Variants in SUGCT observed in about 807,000 individuals in gnomAD.
SUGCT encodes succinyl-CoA:glutarate CoA-transferase.
A neutral mutation model predicts 55.0 loss-of-function variants in SUGCT; 41 were observed. The observed-to-expected ratio is 0.74, with a 90% CI of 0.58 to 0.97. The LOEUF (loss-of-function observed/expected upper bound fraction) is 0.97. Among genes scored for constraint, SUGCT ranks in the 50% least tolerant of loss-of-function variants. The pLI, the probability that SUGCT is intolerant of heterozygous loss-of-function variation, is 0.00. For synonymous variants in SUGCT, 187 were observed against 200.4 expected (o/e 0.93, Z 0.56); for missense variants, 568 against 547.8 (o/e 1.04, Z -0.37).
Position 40,788,654 on chromosome 7 carries a change from G to A in SUGCT, c.1153+39157G>A, listed in dbSNP as rs116357683. ...GTGTGGGTTGGGGTCTGCATTCAAA[G>A]TCCAGACATTTCTCAAGTCTGTCTC... is the stretch of plus-strand genomic sequence containing the variant. On this transcript the variant is annotated intron_variant, in intron 13 of 13. Coordinates refer to ENST00000335693, the MANE Select transcript of SUGCT (RefSeq NM_001193313.2). 5.6e-3 allele frequency among the ~76,000 whole-genome samples: 856 copies of A among 152,308 alleles called. 7 individuals carry two copies. Among genetic ancestry groups the A allele is most frequent in the African/African-American group, 0.019 (807 of 41,566 alleles).
intron 12 of SUGCT, among the ~76,000 whole-genome samples, chr7:40,506,343 T>C (rs1430583448): frequency 6.6e-6 from 1 of 152,156 alleles, no homozygotes; most frequent in African/African-American, 2.4e-5. Flanking sequence ...TTCCATTGTG[T>C]TTGATAATAA....
At chr7:40,274,178 A>G (rs928100251) in intron 7 of SUGCT, among the ~76,000 whole-genome samples, 6 of 144,802 alleles carry the variant, frequency 4.1e-5, no homozygotes, top group African/African-American at 1.0e-4. Context: ...TTTAAATTCA[A>G]TTAATTTTTT....
At chr7:40,533,770 A>G (rs935231472) in intron 12 of SUGCT, among the ~76,000 whole-genome samples, 1 of 152,180 alleles carries the variant, frequency 6.6e-6, no homozygotes, top group African/African-American at 2.4e-5. Flanking sequence ...AACTTTTGTG[A>G]ACATTTCAGT....
intron 12 of SUGCT, among the ~76,000 whole-genome samples, chr7:40,523,189 T>A (rs1328089217): frequency 1.3e-5 from 2 of 152,198 alleles, no homozygotes; most frequent in South Asian, 4.1e-4. Flanking sequence ...TTTTATATGA[T>A]ATTATTGGAT....
At chr7:40,136,163 A>AT (rs909283188) in intron 1 of SUGCT, among the ~76,000 whole-genome samples, 10 of 150,830 alleles carry the variant, frequency 6.6e-5, no homozygotes, top group Admixed American at 1.3e-4. Context: ...TGCCCGGCTA[A>AT]TTTTTTTGTA....
chr7:40,705,876 A>AC (rs1227536576), intron 12 of SUGCT, among the ~76,000 whole-genome samples: 1 of 152,168 alleles, frequency 6.6e-6, no homozygotes, highest in Non-Finnish European at 1.5e-5. Flanking sequence ...CTGGTGTGGT[A>AC]CAAAGGGCAT....
At chr7:40,753,656 T>A (rs1331936685) in intron 13 of SUGCT, among the ~76,000 whole-genome samples, 1 of 152,190 alleles carries the variant, frequency 6.6e-6, no homozygotes, top group Non-Finnish European at 1.5e-5. Flanking sequence ...ACCAGAAACT[T>A]GTCTCTTAAA....
chr7:40,913,764 G>A, the SUGCT span, among the ~76,000 whole-genome samples: 1 of 152,118 alleles, frequency 6.6e-6, no homozygotes, highest in Non-Finnish European at 1.5e-5. Context: ...CTGGGGCCCA[G>A]GTTAAAGGGG....
chr7:40,612,235 G>A (rs951971436), intron 12 of SUGCT, among the ~76,000 whole-genome samples: 1 of 152,122 alleles, frequency 6.6e-6, no homozygotes. Context: ...ACGTTGTTGT[G>A]AGAATTAAAT....
chr7:40,184,028 A>G (rs1386871847), intron 3 of SUGCT, among the ~76,000 whole-genome samples: 1 of 152,108 alleles, frequency 6.6e-6, no homozygotes, highest in African/African-American at 2.4e-5. Context: ...TACAAAAATT[A>G]GTGGGGCATG....
chr7:40,216,745 A>C (rs1393925789), intron 6 of SUGCT, among the ~76,000 whole-genome samples: 1 of 151,656 alleles, frequency 6.6e-6, no homozygotes, highest in East Asian at 1.9e-4. Flanking sequence ...CCAGCTACTC[A>C]CTTTGGGGGC....
At chr7:40,577,435 T>G (rs1285877948) in intron 12 of SUGCT, among the ~76,000 whole-genome samples, 1 of 152,072 alleles carries the variant, frequency 6.6e-6, no homozygotes. Flanking sequence ...TTATGGCATG[T>G]TGGGGGCAGT....
chr7:40,939,035 A>G, the SUGCT span, among the ~76,000 whole-genome samples: 1 of 152,190 alleles, frequency 6.6e-6, no homozygotes, highest in Non-Finnish European at 1.5e-5. Context: ...GATACATACT[A>G]TATTAGTCCA....
At chr7:40,294,606 T>G (rs1388148258) in intron 8 of SUGCT, among the ~76,000 whole-genome samples, 4 of 152,022 alleles carry the variant, frequency 2.6e-5, no homozygotes, top group African/African-American at 9.7e-5. Flanking sequence ...TGCAGTGGCA[T>G]TGTGATCTCG....
chr7:40,920,027 T>C, the SUGCT span, among the ~76,000 whole-genome samples: 8 of 152,122 alleles, frequency 5.3e-5, no homozygotes, highest in Non-Finnish European at 1.0e-4. Context: ...CCTTTTCTTT[T>C]ATAACTCAGC....
At chr7:40,701,959 CAT>C (rs1785188755) in intron 12 of SUGCT, among the ~76,000 whole-genome samples, 1 of 152,210 alleles carries the variant, frequency 6.6e-6, no homozygotes, top group African/African-American at 2.4e-5. Flanking sequence ...TGCTGTCACA[CAT>C]ATGTCAAAGG....
intron 13 of SUGCT, among the ~76,000 whole-genome samples, chr7:40,761,909 G>A (rs1788550565): frequency 6.6e-6 from 1 of 152,172 alleles, no homozygotes; most frequent in Non-Finnish European, 1.5e-5. Flanking sequence ...TTCCCGGGGA[G>A]CGTCAAAGTG....
At chr7:40,350,008 A>G (rs1451228353) in intron 9 of SUGCT, among the ~76,000 whole-genome samples, 1 of 152,084 alleles carries the variant, frequency 6.6e-6, no homozygotes. Flanking sequence ...TTTTGTCAAC[A>G]TAGATTTTTT....
chr7:40,784,639 G>A (rs1206054008), intron 13 of SUGCT, among the ~76,000 whole-genome samples: 1 of 152,098 alleles, frequency 6.6e-6, no homozygotes, highest in Non-Finnish European at 1.5e-5. Context: ...AAACAATTAT[G>A]AGTACAATGC....
Sources: allele counts gnomAD v4.1 joint callset (sites outside exome capture counted in the v4.1 genomes callset), GRCh38; gene constraint gnomAD v4.1.1; transcripts MANE v1.5; gene names NCBI Gene and HGNC (gene_info 2026-07-23, HGNC 2026-07-21).